The following DPP6 variants were observed in gnomAD, a reference collection of about 807,000 sequenced individuals.
DPP6 encodes the protein dipeptidyl peptidase like 6.
DPP6 carries 69 observed loss-of-function variants against 122.6 expected under a neutral mutation model. That is an observed-to-expected ratio of 0.56 (90% CI 0.46 to 0.69). The LOEUF is 0.69. Ranked by LOEUF, DPP6 falls within the 30% of genes least tolerant of loss-of-function variation. DPP6 has a pLI of 0.00. For missense variants in DPP6, 928 were observed against 1,116.9 expected, an observed-to-expected ratio of 0.83 and a Z score of 2.41; for synonymous variants, 418 against 433.1, an observed-to-expected ratio of 0.97 and a Z score of 0.43.
intron 1 of DPP6, among the ~76,000 whole-genome samples, chr7:153,917,733 T>TG (rs1179272466): frequency 1.3e-5 from 2 of 152,170 alleles, no homozygotes; most frequent in Non-Finnish European, 2.9e-5. Flanking sequence ...ATGCGAAGGG[T>TG]GGATAGGTAC....
the DPP6 span, among the ~76,000 whole-genome samples, chr7:153,866,921 G>T: frequency 2.0e-5 from 3 of 151,988 alleles, no homozygotes; most frequent in Non-Finnish European, 1.5e-5. Flanking sequence ...TTTCCCCATT[G>T]CTTGTTTTTC....
intron 21 of DPP6, chr7:154,885,417 G>A (rs1486845547): frequency 8.6e-6 from 5 of 584,462 alleles, no homozygotes; most frequent in Non-Finnish European, 1.5e-5. Context: ...AGGCCCAGAA[G>A]CGGAGAAGGC....
At chr7:154,453,469 G>A (rs1211641425) in intron 2 of DPP6, among the ~76,000 whole-genome samples, 1 of 151,186 alleles carries the variant, frequency 6.6e-6, no homozygotes, top group African/African-American at 2.4e-5. Context: ...TAAAATTCTT[G>A]AACAAATAAT....
At position 154,875,793 on chromosome 7, in the gene DPP6, G is replaced by A; in HGVS notation, c.1884-113G>A. The A allele has an allele frequency of 7.0e-7, 1 of 1,435,758 alleles. No individual in the cohort carries two copies. Among genetic ancestry groups the A allele is most frequent in the Non-Finnish European group, 9.3e-7 (1 of 1,075,682 alleles). 88.9% of individuals were successfully genotyped at this position (1,435,758 alleles called of 1,614,324 possible). Reference sequence around the variant, plus strand: ...ATCTGGGGTATGGAGTTGAGCGTGTGGCAGCCGGGTCACGGGTAAAATCCC... The same window carrying A: ...ATCTGGGGTATGGAGTTGAGCGTGTAGCAGCCGGGTCACGGGTAAAATCCC... On this transcript the variant is annotated intron_variant, in intron 19 of 25. Transcript: ENST00000377770. This position sits in a 1 kb window ranked among gnomAD's most constrained non-coding sequence, Gnocchi z 4.5.
At position 154,875,828 on chromosome 7, in the gene DPP6, T is replaced by C; in HGVS notation, c.1884-78T>C. The C allele has an allele frequency of 6.6e-7, 1 of 1,525,394 alleles. No individual in the cohort carries two copies. Among genetic ancestry groups the C allele is most frequent in the Non-Finnish European group, 8.8e-7 (1 of 1,135,318 alleles). The allele number at this position is 1,525,394 out of a possible 1,614,324, so 94.5% of individuals were successfully genotyped here. On this transcript the variant is annotated intron_variant, in intron 19 of 25. Coordinates refer to ENST00000377770, the MANE Select transcript of DPP6 (RefSeq NM_130797.4). The surrounding 1 kb of genome is among the most constrained non-coding windows in gnomAD (Gnocchi z 4.5). The stretch of plus-strand genomic sequence containing the variant: ...TCACGGGTAAAATCCCTTACGGGGG[T>C]CATCTGACGTGGCAGCTGCTAGACC...
rs960778768 is a variant in DPP6, at chr7:154,627,181, T to G, written c.628-10640T>G. On this transcript the variant is annotated intron_variant, in intron 5 of 25. Transcript: ENST00000377770. ...GCACCCACCACCACGCCTGGCTAAT[T>G]TTTTTTCCTTTTTTTTTTTTTTTTT... Among the ~76,000 whole-genome samples the G allele has an allele frequency of 4.8e-5, 6 of 126,106 alleles. No homozygotes were observed. The East Asian group carries it at 6.2e-4, about 13-fold the overall frequency. 82.7% of individuals were successfully genotyped at this position (126,106 alleles called of 152,430 possible).
chr7:153,796,440 AT>A, the DPP6 span, among the ~76,000 whole-genome samples: 1 of 147,332 alleles, frequency 6.8e-6, no homozygotes, highest in Non-Finnish European at 1.5e-5. Context: ...TTTATGACCC[AT>A]ATTAATGTGA....
intron 8 of DPP6, among the ~76,000 whole-genome samples, chr7:154,747,016 G>A (rs933046811): frequency 1.3e-5 from 2 of 152,168 alleles, no homozygotes; most frequent in Admixed American, 6.5e-5. Context: ...AATCATGCAG[G>A]ATCATCCAGG....
At position 154,771,692 on chromosome 7, in the gene DPP6, C is replaced by G. The variant is rs181687962; in HGVS notation, c.1039-1153C>G. The stretch of plus-strand genomic sequence containing the variant: ...AAGAAGAATGAGACCCTTATGGCCA[C>G]AGCCTTCCTTTCTGCCTTTTCCAAT... On this transcript the variant is annotated intron_variant, in intron 9 of 25. Coordinates refer to ENST00000377770, the MANE Select transcript of DPP6 (RefSeq NM_130797.4). Among the ~76,000 whole-genome samples, 103 of 152,366 alleles carry G rather than the reference C, an allele frequency of 6.8e-4. 1 individual carries two copies. Among genetic ancestry groups the G allele is most frequent in the African/African-American group, 2.4e-3 (101 of 41,594 alleles).
At chr7:154,725,661 C>T (rs1221210399) in intron 7 of DPP6, among the ~76,000 whole-genome samples, 1 of 152,138 alleles carries the variant, frequency 6.6e-6, no homozygotes, top group Non-Finnish European at 1.5e-5. Context: ...CATATCATTC[C>T]ACTCCTGTCC....
At chr7:154,495,322 G>A (rs1181114736) in intron 3 of DPP6, among the ~76,000 whole-genome samples, 1 of 152,098 alleles carries the variant, frequency 6.6e-6, no homozygotes, top group Non-Finnish European at 1.5e-5. Context: ...AATGATGAGG[G>A]TGGAGTGTAG....
At chr7:154,667,142 G>A (rs1838218204) in intron 6 of DPP6, among the ~76,000 whole-genome samples, 1 of 151,386 alleles carries the variant, frequency 6.6e-6, no homozygotes, top group African/African-American at 2.4e-5. Context: ...TTTGTGAATT[G>A]TCTGTTCATG....
chr7:154,676,219 C>A (rs1464489860), intron 7 of DPP6, among the ~76,000 whole-genome samples: 5 of 148,868 alleles, frequency 3.4e-5, no homozygotes, highest in Non-Finnish European at 6.0e-5. Flanking sequence ...TCCAGCTGCC[C>A]TTCCCCATGT....
intron 5 of DPP6, chr7:154,588,240 C>A: frequency 7.5e-7 from 1 of 1,330,984 alleles, no homozygotes. Context: ...AGGGACCCTC[C>A]ACTGGTTCAA....
chr7:153,843,665 T>A, the DPP6 span, among the ~76,000 whole-genome samples: 3 of 152,296 alleles, frequency 2.0e-5, no homozygotes, highest in South Asian at 2.1e-4. Flanking sequence ...AGTAATTCTT[T>A]AACATAACAT....
At chr7:154,842,495 G>A (rs1801631124) in intron 16 of DPP6, among the ~76,000 whole-genome samples, 1 of 152,160 alleles carries the variant, frequency 6.6e-6, no homozygotes, top group South Asian at 2.1e-4. Context: ...TAAAATGCCT[G>A]GGGCTGCAAA....
intron 1 of DPP6, among the ~76,000 whole-genome samples, chr7:154,182,818 C>T (rs1266796718): frequency 3.8e-4 from 58 of 152,098 alleles, no homozygotes; most frequent in Non-Finnish European, 4.4e-5. Context: ...ATGGAGAAGA[C>T]CAGCGCATTC....
intron 6 of DPP6, among the ~76,000 whole-genome samples, chr7:154,657,088 T>G (rs1260578530): frequency 3.7e-5 from 1 of 26,970 alleles, no homozygotes; most frequent in South Asian, 2.2e-3. Context: ...GAGGTGCTCA[T>G]GGGTGGGTGG....
chr7:154,602,750 C>CT (rs199615219), intron 5 of DPP6, among the ~76,000 whole-genome samples: 5,918 of 90,878 alleles, frequency 0.065, 1,143 homozygotes, highest in African/African-American at 0.14. Context: ...ATTCTTAATC[C>CT]TTTTTTTTTT....
Sources: allele counts gnomAD v4.1 joint callset (sites outside exome capture counted in the v4.1 genomes callset), GRCh38; gene constraint gnomAD v4.1.1; non-coding constraint Gnocchi (gnomAD v3.1); transcripts MANE v1.5; gene names NCBI Gene and HGNC (gene_info 2026-07-23, HGNC 2026-07-21).